CCT8: variants seen among roughly 807,000 people sequenced by gnomAD.
CCT8 encodes the protein chaperonin containing TCP1 subunit 8.
CCT8 carries 10 observed loss-of-function variants against 65.7 expected under a neutral mutation model. The observed-to-expected ratio is 0.15, with a 90% CI of 0.09 to 0.26. CCT8 has a LOEUF of 0.26. Among genes scored for constraint, CCT8 ranks in the 10% least tolerant of loss-of-function variants. The pLI is 1.00. For missense variants in CCT8, 568 were observed against 669.1 expected, an observed-to-expected ratio of 0.85 and a Z score of 1.67; for synonymous variants, 199 against 221.8, an observed-to-expected ratio of 0.90 and a Z score of 0.92.
intron 14 of CCT8, among the ~76,000 whole-genome samples, chr21:29,059,231 GAATA>G (rs1482619499): frequency 1.3e-5 from 2 of 152,160 alleles, no homozygotes; most frequent in African/African-American, 4.8e-5. Flanking sequence ...TCCTTTTCTA[GAATA>G]TATACTATAC....
intron 3 of CCT8, among the ~76,000 whole-genome samples, chr21:29,068,462 T>C (rs910803302): frequency 6.6e-6 from 1 of 151,068 alleles, no homozygotes; most frequent in African/African-American, 2.4e-5. Flanking sequence ...ATAATATGTA[T>C]TTTTTTTTCT....
chr21:29,061,315 C>A lies in CCT8; in HGVS notation c.1387G>T (p.Val463Leu), dbSNP rs143008071. 2.8e-3 allele frequency: 4,588 copies of A among 1,613,888 alleles called. 16 individuals are homozygous for A. The highest frequency in any genetic ancestry group is 9.2e-3 in the South Asian group (838 of 91,084). The change falls in exon 13 of 15, where the codon GTA becomes TTA. Residue 463 changes from valine to leucine, a missense_variant. Val to Leu is a conservative substitution (Grantham distance 32, BLOSUM62 1). Transcript: ENST00000286788. The stretch of plus-strand genomic sequence containing the variant: ...TGTACTGCATAAAGTTTAGAGATTA[C>A]TTCATTGGCCTTAACTCCAGAGTTT... Reference protein sequence around the residue: ...AENSGVKANEVISKLYAVHQE... With the variant: ...AENSGVKANELISKLYAVHQE...
At position 29,073,630 on chromosome 21, in the gene CCT8, G is replaced by A. The variant is rs757904189; in HGVS notation, c.-40C>T. ...AAGCAGTTCACGCGACCGCTCGGAAGACCGCGGAGGAAGCGAGGAGCACGC... is the reference window on the plus strand; with the variant it reads ...AAGCAGTTCACGCGACCGCTCGGAAAACCGCGGAGGAAGCGAGGAGCACGC... On this transcript the variant is annotated 5_prime_UTR_variant, in exon 1 of 15. Coordinates refer to ENST00000286788, the MANE Select transcript of CCT8 (RefSeq NM_006585.4). The A allele has an allele frequency of 1.4e-5, 22 of 1,597,014 alleles. No individual in the cohort carries two copies. Among genetic ancestry groups the A allele is most frequent in the East Asian group, 2.2e-5 (1 of 44,778 alleles).
At chr21:29,066,669 C>CA (rs753697370) in intron 6 of CCT8, 47 bp downstream of exon 6, 14 of 1,237,234 alleles carry the variant, frequency 1.1e-5, no homozygotes, top group South Asian at 1.6e-5. Flanking sequence ...AAAAAGCACA[C>CA]AAAAAAACTG....
In CCT8 at chr21:29,062,487, T is replaced by C. The variant is rs2085575210; in HGVS notation, c.1008+3A>G. On this transcript the variant is annotated splice_donor_region_variant and intron_variant, in intron 9 of 14. Coordinates refer to ENST00000286788, the MANE Select transcript of CCT8 (RefSeq NM_006585.4). Reference sequence around the variant, plus strand: ...ATCTTTTAGTGTTTTCCAAAATACATACCAATCTAGGAAGAGCTGTAGCAC... The same window carrying C: ...ATCTTTTAGTGTTTTCCAAAATACACACCAATCTAGGAAGAGCTGTAGCAC... The C allele has an allele frequency of 6.2e-7, 1 of 1,613,544 alleles. No individual in the cohort carries two copies. The highest frequency in any genetic ancestry group is 2.2e-5 in the East Asian group (1 of 44,882).
intron 1 of CCT8, 110 bp downstream of exon 1, chr21:29,073,421 C>A (rs2085706188): frequency 1.3e-6 from 2 of 1,561,056 alleles, no homozygotes; most frequent in East Asian, 2.3e-5. Flanking sequence ...TTCCCCCGGC[C>A]GCTGAGCCAG....
At chr21:29,072,233 A>G in intron 1 of CCT8, 1 of 380,406 alleles carries the variant, frequency 2.6e-6, no homozygotes. Flanking sequence ...ATCCTCTACT[A>G]TAGTGCAGTT....
intron 14 of CCT8, chr21:29,059,830 G>A (rs1226283573): frequency 1.3e-5 from 2 of 152,132 alleles, no homozygotes; most frequent in Non-Finnish European, 2.9e-5. Context: ...AAGCTGAAAT[G>A]TCTTTCCACT....
At chr21:29,065,235 G>A (rs1296512577) in intron 6 of CCT8, 130 bp from the exon 7 acceptor site, 2 of 888,356 alleles carry the variant, frequency 2.3e-6, no homozygotes, top group East Asian at 2.5e-5. Context: ...TGACTCCTGG[G>A]ATAAGGGGTG....
intron 11 of CCT8, 84 bp downstream of exon 11, chr21:29,062,042 ATG>A: frequency 1.2e-6 from 1 of 860,968 alleles, no homozygotes; most frequent in South Asian, 1.5e-5. Context: ...AGTTCTCATG[ATG>A]TGCAAGAGTC....
Position 29,057,679 on chromosome 21 carries a change from C to T in CCT8, c.1570-1127G>A, listed in dbSNP as rs1021062824. Among the ~76,000 whole-genome samples, 60 of 145,540 alleles carry T rather than the reference C, an allele frequency of 4.1e-4. 1 individual carries two copies. The South Asian group carries it at 4.9e-3, about 12-fold the overall frequency. On this transcript the variant is annotated intron_variant, in intron 14 of 14. Coordinates refer to ENST00000286788, the MANE Select transcript of CCT8 (RefSeq NM_006585.4). ...ATATATGATATATGTATCATATATA[C>T]GATACATATATCATACATATATCAT...
chr21:29,065,161 A>T (rs1002949087), intron 6 of CCT8, 56 bp from the exon 7 acceptor site: 1 of 1,569,290 alleles, frequency 6.4e-7, no homozygotes, highest in African/African-American at 1.4e-5. Context: ...CATTACGGTC[A>T]AACTGTTGAT....
At chr21:29,064,313 A>G (rs1457649387) in intron 7 of CCT8, among the ~76,000 whole-genome samples, 1 of 151,182 alleles carries the variant, frequency 6.6e-6, no homozygotes, top group Non-Finnish European at 1.5e-5. Flanking sequence ...TAAAAATACA[A>G]AAATTAGCCA....
Position 29,073,598 on chromosome 21 carries a change from C to T in CCT8, c.-8G>A, listed in dbSNP as rs749761918. On this transcript the variant is annotated 5_prime_UTR_variant, in exon 1 of 15. Coordinates refer to ENST00000286788, the MANE Select transcript of CCT8 (RefSeq NM_006585.4). The stretch of plus-strand genomic sequence containing the variant: ...GGGAACGTGAAGCGCCATGGCCAGC[C>T]TGCAGGAAGCAGTTCACGCGACCGC... 3.1e-6 allele frequency: 5 copies of T among 1,613,904 alleles called. No individual in the cohort carries two copies. The highest frequency in any genetic ancestry group is 1.7e-4 in the Middle Eastern group (1 of 6,058).
chr21:29,069,326 C>T, intron 3 of CCT8, 97 bp downstream of exon 3: 2 of 630,180 alleles, frequency 3.2e-6, no homozygotes, highest in South Asian at 2.3e-5. Context: ...AAAAATAGTC[C>T]CTTATCCAAT....
chr21:29,057,719 A>G lies in CCT8; in HGVS notation c.1570-1167T>C, dbSNP rs185109593. Among the ~76,000 whole-genome samples, 21 of 85,906 alleles carry G rather than the reference A, an allele frequency of 2.4e-4. 1 individual carries two copies. In the East Asian group the frequency reaches 5.2e-3, roughly 21 times the overall value. The allele number at this position is 85,906 out of a possible 152,430, so 56.4% of individuals were successfully genotyped here. Reference sequence around the variant, plus strand: ...ACATATATCATATATAATATATATCATACATATATGTATGATATATATATC... The same window carrying G: ...ACATATATCATATATAATATATATCGTACATATATGTATGATATATATATC... On this transcript the variant is annotated intron_variant, in intron 14 of 14. Transcript: ENST00000286788.
chr21:29,065,692 A>C (rs954075085), intron 6 of CCT8, among the ~76,000 whole-genome samples: 2 of 152,246 alleles, frequency 1.3e-5, no homozygotes, highest in African/African-American at 4.8e-5. Context: ...TTAAAGTGTG[A>C]ATTCTATTAT....
Position 29,073,559 on chromosome 21 carries a change from A to G in CCT8, c.32T>C (p.Phe11Ser). The stretch of plus-strand genomic sequence containing the variant: ...CGCTCCCTCCTTGAGCATCTGGGCA[A>G]AGCCCGGAGCCTTGGGAACGTGAAG... Reference protein sequence around the residue: MALHVPKAPGFAQMLKEGAKH... With the variant: MALHVPKAPGSAQMLKEGAKH... The change falls in exon 1 of 15, where the codon TTT (phenylalanine) becomes TCT (serine). Residue 11 changes from phenylalanine (F) to serine (S), a missense_variant. Transcript: ENST00000286788. 1 of 1,614,180 alleles carries G rather than the reference A, an allele frequency of 6.2e-7. No homozygotes were observed. The highest frequency in any genetic ancestry group is 1.1e-5 in the South Asian group (1 of 91,088).
intron 14 of CCT8, among the ~76,000 whole-genome samples, chr21:29,057,781 TGA>T (rs1008686987): frequency 1.4e-4 from 20 of 146,598 alleles, no homozygotes; most frequent in East Asian, 4.0e-4. Flanking sequence ...ATGATATATA[TGA>T]GATATGTATG....
Sources: gnomAD v4.1 joint callset for allele counts (sites outside exome capture counted in the v4.1 genomes callset) on GRCh38, gnomAD v4.1.1 for gene constraint, MANE v1.5 for transcripts, NCBI Gene and HGNC (gene_info 2026-07-23, HGNC 2026-07-21) for gene names.